NAP1L1: variants seen among roughly 807,000 people sequenced by gnomAD.
NAP1L1 encodes nucleosome assembly protein 1-like 1.
A neutral mutation model predicts 58.9 loss-of-function variants in NAP1L1; 9 were observed. That is an observed-to-expected ratio of 0.15 (90% CI 0.09 to 0.27). The LOEUF (loss-of-function observed/expected upper bound fraction) is 0.27. Ranked by LOEUF, NAP1L1 falls within the 10% of genes least tolerant of loss-of-function variation. The probability of loss-of-function intolerance (pLI) is 1.00; values close to 1 mark genes in which losing one functional copy is unlikely to be tolerated. For synonymous variants in NAP1L1, 130 were observed against 138.3 expected, an observed-to-expected ratio of 0.94 and a Z score of 0.42; for missense variants, 302 against 458.8, an observed-to-expected ratio of 0.66 and a Z score of 3.12.
chr12:76,073,903 A>T (rs1013453159), intron 2 of NAP1L1: 3 of 271,468 alleles, frequency 1.1e-5, no homozygotes, highest in African/African-American at 6.7e-5. Context: ...TTTGGGAAAT[A>T]TATACAATAA....
chr12:76,076,573 TA>T (rs1950187701), intron 1 of NAP1L1, among the ~76,000 whole-genome samples: 1 of 128,514 alleles, frequency 7.8e-6, no homozygotes, highest in African/African-American at 3.0e-5. Flanking sequence ...TATATATATA[TA>T]TATATATATA....
At chr12:76,066,264 T>C (rs191487570) in intron 4 of NAP1L1, among the ~76,000 whole-genome samples, 1 of 152,092 alleles carries the variant, frequency 6.6e-6, no homozygotes, top group East Asian at 1.9e-4. Context: ...AAGGTGAAAC[T>C]ATTCAATACG....
chr12:76,054,964 A>G (rs1949013277), intron 8 of NAP1L1, 55 bp downstream of exon 8: 1 of 1,296,668 alleles, frequency 7.7e-7, no homozygotes, highest in Non-Finnish European at 1.1e-6. Flanking sequence ...AAAAGCTTCT[A>G]TTTATCTACC....
Position 76,044,072 on chromosome 12 carries a change from TGGGA to T in NAP1L1, c.*4353_*4356del, listed in dbSNP as rs1337635319. 1 of 152,050 alleles carries T rather than the reference TGGGA, an allele frequency of 6.6e-6. No individual in the cohort carries two copies. The highest frequency in any genetic ancestry group is 1.5e-5 in the Non-Finnish European group (1 of 68,030). 9.4% of individuals were successfully genotyped at this position (152,050 alleles called of 1,614,324 possible). On this transcript the variant is annotated 3_prime_UTR_variant, in exon 15 of 15. Coordinates refer to ENST00000618691, the MANE Select transcript of NAP1L1 (RefSeq NM_004537.7). ...AGGCCAGCACTTTGAGAGGCTGAGGTGGGAGGATCACTGGAGGTCAGGAGGTCGA... is the reference window on the plus strand; with the variant it reads ...AGGCCAGCACTTTGAGAGGCTGAGGTGGATCACTGGAGGTCAGGAGGTCGA...
chr12:76,058,277 C>A (rs1452986976), intron 6 of NAP1L1, among the ~76,000 whole-genome samples: 1 of 149,234 alleles, frequency 6.7e-6, no homozygotes, highest in Non-Finnish European at 1.5e-5. Flanking sequence ...TTTCCCTGTT[C>A]TGTACAAGGC....
rs772859954 is a variant in NAP1L1, at chr12:76,048,235, C to G, written c.*194G>C. The G allele has an allele frequency of 1.2e-4, 67 of 540,920 alleles. No individual in the cohort carries two copies. Among genetic ancestry groups the G allele is most frequent in the Admixed American group, 1.7e-4 (5 of 29,004 alleles). The allele number at this position is 540,920 out of a possible 1,614,324, so 33.5% of individuals were successfully genotyped here. On this transcript the variant is annotated 3_prime_UTR_variant, in exon 15 of 15. Transcript: ENST00000618691. ...ACATGCGTGACAGAATTTGTGCATT[C>G]AACATAGCTGGCAGAAAAACTAGTT...
Position 76,048,544 on chromosome 12 carries a change from T to A in NAP1L1, c.1141-80A>T. On this transcript the variant is annotated intron_variant, in intron 14 of 14. Transcript: ENST00000618691. ...TTCTCAATAGTAATTACTGCCTTAA[T>A]TATAACAGTAGCTCACTGTTGTCAA... is the stretch of plus-strand genomic sequence containing the variant. 2.1e-6 allele frequency: 3 copies of A among 1,398,494 alleles called. No individual in the cohort carries two copies. The Admixed American group carries it at 5.0e-5, about 24-fold the overall frequency. 86.6% of individuals were successfully genotyped at this position (1,398,494 alleles called of 1,614,324 possible).
At position 76,059,668 on chromosome 12, in the gene NAP1L1, C is replaced by T. The variant is rs184735873; in HGVS notation, c.429+130G>A. On this transcript the variant is annotated intron_variant, in intron 6 of 14. Transcript: ENST00000618691. Reference sequence around the variant, plus strand: ...GTAATAGAAAAACGTGTAATAAAGACGTAAAATTAAAAAATGAAAAAATAC... The same window carrying T: ...GTAATAGAAAAACGTGTAATAAAGATGTAAAATTAAAAAATGAAAAAATAC... The T allele has an allele frequency of 6.8e-3, 4,430 of 650,848 alleles. 78 individuals carry two copies. Among genetic ancestry groups the T allele is most frequent in the South Asian group, 0.041 (2,089 of 51,304 alleles). 40.3% of individuals were successfully genotyped at this position (650,848 alleles called of 1,614,324 possible). A position where few individuals can be genotyped will look rare whatever the true frequency, so the allele number is the denominator to read the frequency against.
At position 76,042,731 on chromosome 12, in the gene NAP1L1, C is replaced by T. The variant is rs1174675428; in HGVS notation, c.*5698G>A. 2.6e-5 allele frequency: 4 copies of T among 152,090 alleles called. No homozygotes were observed. Among genetic ancestry groups the T allele is most frequent in the Non-Finnish European group, 4.4e-5 (3 of 68,024 alleles). 9.4% of individuals were successfully genotyped at this position (152,090 alleles called of 1,614,324 possible). A position where few individuals can be genotyped will look rare whatever the true frequency, so the allele number is the denominator to read the frequency against. The stretch of plus-strand genomic sequence containing the variant: ...TTTCACCTGAAAGGCCCTAGAAATA[C>T]CCTGTAAAGAGCATATTCAGCAACT... On this transcript the variant is annotated 3_prime_UTR_variant, in exon 15 of 15. Coordinates refer to ENST00000618691, the MANE Select transcript of NAP1L1 (RefSeq NM_004537.7).
In NAP1L1 at chr12:76,057,551, T is replaced by C; in HGVS notation, c.430-1390A>G. 3 of 840,206 alleles carry C rather than the reference T, an allele frequency of 3.6e-6. No individual in the cohort carries two copies. The Admixed American group carries it at 5.7e-5, about 16-fold the overall frequency. 52.0% of individuals were successfully genotyped at this position (840,206 alleles called of 1,614,324 possible). ...TGGGTTTGTGAAATGGCTGCTGACG[T>C]TTCCGATTCCAATAGGGCTGACTGC... On this transcript the variant is annotated intron_variant, in intron 6 of 14. Transcript: ENST00000618691.
intron 1 of NAP1L1, among the ~76,000 whole-genome samples, chr12:76,081,396 T>C (rs1950404195): frequency 6.6e-6 from 1 of 152,168 alleles, no homozygotes; most frequent in African/African-American, 2.4e-5. Context: ...TATTTATCCC[T>C]GTTATGCTCT....
chr12:76,070,363 C>T (rs1392810185), intron 2 of NAP1L1, among the ~76,000 whole-genome samples: 1 of 152,206 alleles, frequency 6.6e-6, no homozygotes, highest in Non-Finnish European at 1.5e-5. Flanking sequence ...CCACGTCCGC[C>T]TTCCAAAATC....
At chr12:76,072,815 C>T (rs1950017873) in intron 2 of NAP1L1, among the ~76,000 whole-genome samples, 2 of 152,106 alleles carry the variant, frequency 1.3e-5, no homozygotes, top group African/African-American at 4.8e-5. Context: ...ATCTTACTAT[C>T]CTACACCCAA....
rs1256778990 is a variant in NAP1L1 at position 76,042,239 on chromosome 12, A to G, written c.*6190T>C. Reference sequence around the variant, plus strand: ...GAAATAAAGTTCTAAAACCAATTTAAAAAGTAATCCCAATCACAAATTTTA... The same window carrying G: ...GAAATAAAGTTCTAAAACCAATTTAGAAAGTAATCCCAATCACAAATTTTA... On this transcript the variant is annotated 3_prime_UTR_variant, in exon 15 of 15. Coordinates refer to ENST00000618691, the MANE Select transcript of NAP1L1 (RefSeq NM_004537.7). The G allele has an allele frequency of 1.3e-5, 2 of 152,228 alleles. No individual in the cohort carries two copies. The highest frequency in any genetic ancestry group is 4.8e-5 in the African/African-American group (2 of 41,462). The allele number at this position is 152,228 out of a possible 1,614,324, so 9.4% of individuals were successfully genotyped here.
chr12:76,066,024 G>A (rs1949648578), intron 4 of NAP1L1, among the ~76,000 whole-genome samples: 1 of 146,336 alleles, frequency 6.8e-6, no homozygotes, highest in South Asian at 2.1e-4. Flanking sequence ...CTAAATGGGG[G>A]AACAATGGAT....
intron 1 of NAP1L1, among the ~76,000 whole-genome samples, 171 bp downstream of exon 1, chr12:76,084,396 G>T (rs1448687950): frequency 6.6e-6 from 1 of 152,092 alleles, no homozygotes; most frequent in Non-Finnish European, 1.5e-5. Context: ...AGGCTCCGGG[G>T]TCCGGACTCC....
At chr12:76,060,364 G>T in intron 4 of NAP1L1, 85 bp from the exon 5 acceptor site, 1 of 1,365,486 alleles carries the variant, frequency 7.3e-7, no homozygotes, top group Non-Finnish European at 1.0e-6. Flanking sequence ...AAGCATTGGA[G>T]TTAGTGAATG....
intron 8 of NAP1L1, among the ~76,000 whole-genome samples, chr12:76,054,513 T>C (rs917800236): frequency 1.3e-5 from 2 of 152,244 alleles, no homozygotes; most frequent in Non-Finnish European, 1.5e-5. Flanking sequence ...AAAGTGACCA[T>C]GTTGCCTCCC....
At chr12:76,052,276 C>T (rs74609971) in intron 11 of NAP1L1, among the ~76,000 whole-genome samples, 2,054 of 151,896 alleles carry the variant, frequency 0.014, 43 homozygotes, top group African/African-American at 0.047. Flanking sequence ...CAAAAAAAAA[C>T]CCCAAACTTG....
Sources: gnomAD v4.1 joint callset for allele counts (sites outside exome capture counted in the v4.1 genomes callset) on GRCh38, gnomAD v4.1.1 for gene constraint, MANE v1.5 for transcripts, NCBI Gene and HGNC (gene_info 2026-07-23, HGNC 2026-07-21) for gene names.